Variants in HDGFL3 observed in about 807,000 individuals in gnomAD.
The protein encoded by HDGFL3 is hepatoma-derived growth factor-related protein 3.
HDGFL3 carries 6 observed loss-of-function variants against 27.6 expected under a neutral mutation model. The observed-to-expected ratio is 0.22, with a 90% CI of 0.12 to 0.43. The LOEUF (loss-of-function observed/expected upper bound fraction) is 0.43. HDGFL3 is among the 20% of genes least tolerant of loss of function. HDGFL3 has a pLI of 1.00. For missense variants in HDGFL3, 207 were observed against 250.1 expected (o/e 0.83, Z 1.16); for synonymous variants, 88 against 88.9 (o/e 0.99, Z 0.05).
chr15:83,161,601 G>A (rs1227245537), intron 2 of HDGFL3, among the ~76,000 whole-genome samples: 1 of 152,126 alleles, frequency 6.6e-6, no homozygotes, highest in Non-Finnish European at 1.5e-5. Context: ...GCTACAGGAA[G>A]CATTCTTTTA....
intron 1 of HDGFL3, among the ~76,000 whole-genome samples, chr15:83,180,326 G>A (rs1193779819): frequency 6.6e-6 from 1 of 152,048 alleles, no homozygotes; most frequent in African/African-American, 2.4e-5. Context: ...AATGGAAGAA[G>A]GGCAAGCAAA....
chr15:83,119,361 G>C (rs898327954), intron 3 of HDGFL3, among the ~76,000 whole-genome samples: 2 of 152,222 alleles, frequency 1.3e-5, no homozygotes, highest in Admixed American at 6.5e-5. Context: ...AATTGGCCAG[G>C]CATTCTCTAA....
At chr15:83,170,102 TC>T (rs796362317) in intron 1 of HDGFL3, among the ~76,000 whole-genome samples, 7 of 152,224 alleles carry the variant, frequency 4.6e-5, no homozygotes, top group African/African-American at 1.7e-4. Context: ...CATTCCATGT[TC>T]CTGCACTGGA....
chr15:83,118,152 A>G (rs930106776), intron 3 of HDGFL3, among the ~76,000 whole-genome samples: 2 of 152,088 alleles, frequency 1.3e-5, no homozygotes, highest in Non-Finnish European at 2.9e-5. Flanking sequence ...GCTTGACGCC[A>G]GGAGTTGAGA....
intron 1 of HDGFL3, among the ~76,000 whole-genome samples, chr15:83,166,705 C>A (rs893587965): frequency 2.0e-5 from 3 of 152,132 alleles, no homozygotes; most frequent in Non-Finnish European, 4.4e-5. Context: ...AGGAAACTTA[C>A]AATGCCTCAG....
At chr15:83,124,121 T>C (rs963175716), downstream of HDGFL3, among the ~76,000 whole-genome samples, 2 of 152,220 alleles carry the variant, frequency 1.3e-5, no homozygotes, top group Non-Finnish European at 2.9e-5. Context: ...GGTGTTTCCA[T>C]ATGGTATTCA....
rs2151388487 is a variant in HDGFL3, at chr15:83,135,184, C to T, written c.*4086G>A. On this transcript the variant is annotated 3_prime_UTR_variant, in exon 6 of 6. Transcript: ENST00000299633. ...ATCAGGAATTTGTAAAAATGCAGCC[C>T]ATTAAAATATCTGCCACTGATAAAA... 6.6e-6 allele frequency: 1 copy of T among 152,278 alleles called. No individual in the cohort carries two copies. The highest frequency in any genetic ancestry group is 3.4e-3 in the Middle Eastern group (1 of 294). 9.4% of individuals were successfully genotyped at this position (152,278 alleles called of 1,614,324 possible).
Position 83,121,915 on chromosome 15 carries a change from T to C in HDGFL3, c.394-6174A>G, listed in dbSNP as rs780115807. ...AGTCAAGATTTTTTTGTTGTTGTTG[T>C]TACAGGGAAACTTATAGAACCATTG... On this transcript the variant is annotated intron_variant, in intron 3 of 3. Coordinates refer to the HDGFL3 transcript ENST00000568294. 3.1e-6 allele frequency: 5 copies of C among 1,594,632 alleles called. No individual in the cohort carries two copies. The South Asian group carries it at 4.7e-5, about 15-fold the overall frequency.
At chr15:83,205,992 T>C (rs1346797556) in intron 1 of HDGFL3, among the ~76,000 whole-genome samples, 1 of 152,228 alleles carries the variant, frequency 6.6e-6, no homozygotes, top group African/African-American at 2.4e-5. Context: ...GAAAGGATCC[T>C]AGAGATGATT....
intron 1 of HDGFL3, among the ~76,000 whole-genome samples, chr15:83,184,099 T>G (rs2037413049): frequency 6.6e-6 from 1 of 152,256 alleles, no homozygotes. Flanking sequence ...ATAACAGTTG[T>G]GCCAATTTGG....
At chr15:83,183,604 T>G (rs989049370) in intron 1 of HDGFL3, among the ~76,000 whole-genome samples, 2 of 151,802 alleles carry the variant, frequency 1.3e-5, no homozygotes, top group African/African-American at 4.8e-5. Context: ...CCACTAAAAA[T>G]ACAAAAATTA....
chr15:83,190,436 G>C (rs781099683), intron 1 of HDGFL3, among the ~76,000 whole-genome samples: 5 of 152,146 alleles, frequency 3.3e-5, no homozygotes, highest in Non-Finnish European at 5.9e-5. Flanking sequence ...TATTGTATAA[G>C]AGTTTCTGTT....
chr15:83,124,751 C>A, downstream of HDGFL3: 1 of 1,614,088 alleles, frequency 6.2e-7, no homozygotes, highest in Non-Finnish European at 8.5e-7. Context: ...CTCCTGGCAA[C>A]TGGATTTTGC....
chr15:83,149,600 T>A (rs2036939431), intron 5 of HDGFL3, among the ~76,000 whole-genome samples: 1 of 152,104 alleles, frequency 6.6e-6, no homozygotes, highest in Non-Finnish European at 1.5e-5. Flanking sequence ...AGACGTTGGA[T>A]CGGGCAAGGA....
chr15:83,191,515 A>G (rs903971254), intron 1 of HDGFL3, among the ~76,000 whole-genome samples: 9 of 152,198 alleles, frequency 5.9e-5, no homozygotes, highest in Non-Finnish European at 8.8e-5. Context: ...CCAACAGTTA[A>G]TTGTGAATCT....
intron 5 of HDGFL3, 89 bp from the exon 6 acceptor site, chr15:83,139,364 A>G: frequency 1.3e-6 from 1 of 760,978 alleles, no homozygotes; most frequent in Non-Finnish European, 1.9e-6. Flanking sequence ...ATAGTACATA[A>G]TTGGGTTTTC....
chr15:83,197,145 C>CTT (rs1290776952), intron 1 of HDGFL3, among the ~76,000 whole-genome samples: 3 of 152,176 alleles, frequency 2.0e-5, no homozygotes, highest in Non-Finnish European at 2.9e-5. Context: ...CTACCAAAGG[C>CTT]TTTGTCCTTC....
intron 1 of HDGFL3, among the ~76,000 whole-genome samples, chr15:83,196,767 C>A (rs965740650): frequency 5.9e-5 from 9 of 151,590 alleles, no homozygotes; most frequent in African/African-American, 2.2e-4. Flanking sequence ...AACAAAAATC[C>A]AAGAGGATTA....
rs2151390893 is a variant in HDGFL3 at position 83,136,669 on chromosome 15, A to G, written c.*2601T>C. On this transcript the variant is annotated 3_prime_UTR_variant, in exon 6 of 6. Coordinates refer to ENST00000299633, the MANE Select transcript of HDGFL3 (RefSeq NM_016073.4). ...AAACAAAGGCAGAAGAAAAAGTGGAATAAAAATATTACTTCATGTTCCTCC... is the reference window on the plus strand; with the variant it reads ...AAACAAAGGCAGAAGAAAAAGTGGAGTAAAAATATTACTTCATGTTCCTCC... The G allele has an allele frequency of 6.3e-7, 1 of 1,591,842 alleles. No individual in the cohort carries two copies. Among genetic ancestry groups the G allele is most frequent in the Non-Finnish European group, 8.5e-7 (1 of 1,173,748 alleles).
Sources: gnomAD v4.1 joint callset for allele counts (sites outside exome capture counted in the v4.1 genomes callset) on GRCh38, gnomAD v4.1.1 for gene constraint, MANE v1.5 for transcripts, NCBI Gene and HGNC (gene_info 2026-07-23, HGNC 2026-07-21) for gene names.